HDAC9: variants seen among roughly 807,000 people sequenced by gnomAD.
HDAC9 encodes the protein histone deacetylase 9, also known as MEF-2 interacting transcription repressor (MITR) protein.
Under a neutral mutation model 139.4 loss-of-function variants are expected in HDAC9, and 41 were observed. The observed-to-expected ratio is 0.29, with a 90% confidence interval of 0.23 to 0.38. The LOEUF (loss-of-function observed/expected upper bound fraction) is 0.38, where lower values mean the gene tolerates loss of function less well. Ranked by LOEUF, HDAC9 falls within the 10% of genes least tolerant of loss-of-function variation. HDAC9 has a pLI of 1.00. For synonymous variants in HDAC9, 517 were observed against 476.2 expected, an observed-to-expected ratio of 1.09 and a Z score of -1.12; for missense variants, 1,147 against 1,297.0, an observed-to-expected ratio of 0.88 and a Z score of 1.78.
At chr7:18,877,830 C>T (rs1323466657) in intron 22 of HDAC9, among the ~76,000 whole-genome samples, 1 of 151,954 alleles carries the variant, frequency 6.6e-6, no homozygotes, top group Non-Finnish European at 1.5e-5. Flanking sequence ...CTCTTTTCTC[C>T]TCTCCTTTCT....
At position 18,725,527 on chromosome 7, in the gene HDAC9, A is replaced by G. The variant is rs1785476254; in HGVS notation, c.1732-2053A>G. On this transcript the variant is annotated intron_variant, in intron 12 of 25. Coordinates refer to ENST00000686413, the MANE Select transcript of HDAC9 (RefSeq NM_178425.4). ...TTGCTTACTGCAGGGCTTCAGGAAG[A>G]GAATTCTTGCAGGAAGGAATAGGAC... 2.6e-5 allele frequency among the ~76,000 whole-genome samples: 4 copies of G among 152,292 alleles called. No individual in the cohort carries two copies. In the South Asian group the frequency reaches 8.3e-4, roughly 32 times the overall value.
intron 2 of HDAC9, among the ~76,000 whole-genome samples, chr7:18,165,033 T>G (rs757613355): frequency 4.6e-5 from 7 of 152,344 alleles, no homozygotes; most frequent in Non-Finnish European, 8.8e-5. Flanking sequence ...TAGTAATAGC[T>G]TTAGTCCATT....
At chr7:18,524,287 C>A (rs1806067483) in intron 2 of HDAC9, among the ~76,000 whole-genome samples, 1 of 152,122 alleles carries the variant, frequency 6.6e-6, no homozygotes, top group African/African-American at 2.4e-5. Flanking sequence ...TAAGAGAACT[C>A]TAACTATAGT....
At chr7:18,854,141 A>G (rs116660586) in intron 21 of HDAC9, among the ~76,000 whole-genome samples, 1,649 of 152,296 alleles carry the variant, frequency 0.011, 14 homozygotes, top group Middle Eastern at 0.058. Flanking sequence ...GTTCATTGCT[A>G]TGTGGGAAGA....
intron 22 of HDAC9, among the ~76,000 whole-genome samples, chr7:18,924,148 A>G (rs887479275): frequency 2.6e-5 from 4 of 151,970 alleles, no homozygotes; most frequent in African/African-American, 9.7e-5. Flanking sequence ...AAAAAAAAAA[A>G]ACTATCCTAA....
intron 2 of HDAC9, among the ~76,000 whole-genome samples, chr7:18,237,748 G>A (rs1172077995): frequency 6.6e-6 from 1 of 152,198 alleles, no homozygotes; most frequent in East Asian, 1.9e-4. Flanking sequence ...CTTTAGGACT[G>A]GTAAGTGTCA....
At chr7:18,149,730 A>AT (rs1786624449) in intron 1 of HDAC9, among the ~76,000 whole-genome samples, 2 of 151,608 alleles carry the variant, frequency 1.3e-5, no homozygotes, top group Admixed American at 6.6e-5. Flanking sequence ...TAGTTTTTGT[A>AT]TTTTTAGTAG....
intron 2 of HDAC9, among the ~76,000 whole-genome samples, chr7:18,228,987 T>C (rs1793261347): frequency 6.6e-6 from 1 of 152,170 alleles, no homozygotes; most frequent in Non-Finnish European, 1.5e-5. Flanking sequence ...TGTGGCTTAT[T>C]AGACTTGTGC....
rs1562892554 is a variant in HDAC9, at chr7:18,732,762, TATGTGTGC to T, written c.1909+5006_1909+5013del. Reference sequence around the variant, plus strand: ...GTGTGCGTATGTGTACACACACGTGTATGTGTGCGTATGTGTACACACACGTGTGTTTG... The same window carrying T: ...GTGTGCGTATGTGTACACACACGTGTGTATGTGTACACACACGTGTGTTTG... On this transcript the variant is annotated intron_variant, in intron 13 of 25. Coordinates refer to ENST00000686413, the MANE Select transcript of HDAC9 (RefSeq NM_178425.4). 4.4e-4 allele frequency among the ~76,000 whole-genome samples: 42 copies of T among 96,378 alleles called. 4 individuals are homozygous for T. Among genetic ancestry groups the T allele is most frequent in the African/African-American group, 6.8e-4 (12 of 17,706 alleles). 63.2% of individuals were successfully genotyped at this position (96,378 alleles called of 152,430 possible).
chr7:18,277,095 CAAAACAA>C (rs1255685569), intron 2 of HDAC9, among the ~76,000 whole-genome samples: 2 of 151,732 alleles, frequency 1.3e-5, no homozygotes, highest in Non-Finnish European at 2.9e-5. Flanking sequence ...AAAAACAAAA[CAAAACAA>C]AAAACAAAAA....
chr7:18,393,005 G>A (rs937745460), intron 1 of HDAC9, among the ~76,000 whole-genome samples: 19 of 151,526 alleles, frequency 1.3e-4, no homozygotes, highest in African/African-American at 4.1e-4. Flanking sequence ...ATTAAGTGTG[G>A]AGGGATGTAT....
intron 16 of HDAC9, among the ~76,000 whole-genome samples, chr7:18,783,389 T>C (rs1325623586): frequency 2.0e-5 from 3 of 152,118 alleles, no homozygotes; most frequent in Non-Finnish European, 4.4e-5. Flanking sequence ...CTATATCTGT[T>C]GTGAAGAAAT....
intron 24 of HDAC9, among the ~76,000 whole-genome samples, chr7:18,955,927 G>A (rs924908308): frequency 1.1e-4 from 16 of 152,086 alleles, no homozygotes; most frequent in African/African-American, 3.9e-4. Flanking sequence ...GGTATAAAAA[G>A]GCGTAATTTC....
chr7:18,119,836 C>T (rs1182155814), intron 1 of HDAC9, among the ~76,000 whole-genome samples: 1 of 152,196 alleles, frequency 6.6e-6, no homozygotes, highest in African/African-American at 2.4e-5. Context: ...TGGGATTTTA[C>T]ATCCTTTCAA....
intron 21 of HDAC9, among the ~76,000 whole-genome samples, chr7:18,869,870 T>G (rs1023231583): frequency 1.8e-4 from 23 of 129,766 alleles, no homozygotes; most frequent in Non-Finnish European, 3.7e-4. Context: ...AGTAGCTTTC[T>G]TTTTTGGGTT....
chr7:18,152,250 C>T (rs1210945453), intron 1 of HDAC9, among the ~76,000 whole-genome samples: 1 of 152,092 alleles, frequency 6.6e-6, no homozygotes, highest in African/African-American at 2.4e-5. Context: ...ATCACTCATC[C>T]CTAGTGACCC....
intron 2 of HDAC9, among the ~76,000 whole-genome samples, chr7:18,255,012 A>G (rs1029636867): frequency 3.3e-5 from 5 of 152,240 alleles, no homozygotes; most frequent in South Asian, 2.1e-4. Flanking sequence ...AATTATAGGT[A>G]TGATAAAAGT....
intron 1 of HDAC9, chr7:18,087,901 C>G (rs1195677580): frequency 6.6e-6 from 1 of 152,342 alleles, no homozygotes; most frequent in Non-Finnish European, 1.5e-5. Context: ...GTGCTGGTGT[C>G]AGGCCTGTGT....
Position 18,495,870 on chromosome 7 carries a change from T to G in HDAC9, c.-195T>G. Reference sequence around the variant, plus strand: ...TCTAAGCCAGGTTTAATTGGTTTCTTTTTCTCGTGGGTAGACTTAATAATT... The same window carrying G: ...TCTAAGCCAGGTTTAATTGGTTTCTGTTTCTCGTGGGTAGACTTAATAATT... On this transcript the variant is annotated 5_prime_UTR_variant, in exon 1 of 26. Transcript: ENST00000686413. 9.1e-7 allele frequency: 1 copy of G among 1,100,614 alleles called. No homozygotes were observed. Among genetic ancestry groups the G allele is most frequent in the Non-Finnish European group, 1.1e-6 (1 of 905,218 alleles). The allele number at this position is 1,100,614 out of a possible 1,614,324, so 68.2% of individuals were successfully genotyped here. A position where few individuals can be genotyped will look rare whatever the true frequency, so the allele number is the denominator to read the frequency against.
Sources: allele counts gnomAD v4.1 joint callset (sites outside exome capture counted in the v4.1 genomes callset), GRCh38; gene constraint gnomAD v4.1.1; transcripts MANE v1.5; gene names NCBI Gene and HGNC (gene_info 2026-07-23, HGNC 2026-07-21).